SLC35F3: variants seen among roughly 807,000 people sequenced by gnomAD.
The protein encoded by SLC35F3 is putative thiamine transporter SLC35F3.
In SLC35F3, 25 loss-of-function variants were observed where a neutral mutation model predicts 49.9. The observed-to-expected ratio is 0.50, with a 90% confidence interval of 0.37 to 0.70. The LOEUF (loss-of-function observed/expected upper bound fraction) is 0.70, where lower values mean the gene tolerates loss of function less well. Among genes scored for constraint, SLC35F3 ranks in the 30% least tolerant of loss-of-function variants. The pLI is 0.00. For synonymous variants in SLC35F3, 275 were observed against 265.4 expected, an observed-to-expected ratio of 1.04 and a Z score of -0.35; for missense variants, 525 against 639.8, an observed-to-expected ratio of 0.82 and a Z score of 1.94.
At chr1:234,172,239 T>G (rs1445072298) in intron 2 of SLC35F3, among the ~76,000 whole-genome samples, 1 of 152,174 alleles carries the variant, frequency 6.6e-6, no homozygotes, top group Non-Finnish European at 1.5e-5. Flanking sequence ...ATTTTTTAAC[T>G]ATTTATTTAT....
At chr1:233,919,018 A>T (rs1662018727) in intron 2 of SLC35F3, among the ~76,000 whole-genome samples, 2 of 152,178 alleles carry the variant, frequency 1.3e-5, no homozygotes, top group Admixed American at 1.3e-4. Flanking sequence ...GCCAAATTTT[A>T]ATATTTGATG....
chr1:234,000,446 A>G (rs1237381900), intron 2 of SLC35F3, among the ~76,000 whole-genome samples: 7 of 152,202 alleles, frequency 4.6e-5, no homozygotes, highest in Non-Finnish European at 7.3e-5. Context: ...TCAACAATGT[A>G]TGTATTGGAC....
rs1257697996 is a variant in SLC35F3, at chr1:234,151,014, G to C, written c.284-80403G>C. 2.0e-5 allele frequency among the ~76,000 whole-genome samples: 3 copies of C among 152,168 alleles called. No homozygotes were observed. The East Asian group carries it at 5.8e-4, about 29-fold the overall frequency. ...ACTCCAATACCAGGTCAGTGTAAGA[G>C]GCTCAGGGCAAGAAGGACTGAAGGA... On this transcript the variant is annotated intron_variant, in intron 2 of 7. Transcript: ENST00000366618.
At chr1:234,053,044 T>A (rs1664402006) in intron 2 of SLC35F3, among the ~76,000 whole-genome samples, 1 of 152,098 alleles carries the variant, frequency 6.6e-6, no homozygotes, top group African/African-American at 2.4e-5. Flanking sequence ...TGCTGAGGAG[T>A]GCTTTACTTC....
At chr1:234,227,190 G>C (rs931810184) in intron 2 of SLC35F3, among the ~76,000 whole-genome samples, 1 of 152,190 alleles carries the variant, frequency 6.6e-6, no homozygotes, top group African/African-American at 2.4e-5. Context: ...AGAACTGCTG[G>C]CTAAAGTACA....
intron 2 of SLC35F3, among the ~76,000 whole-genome samples, chr1:234,035,530 T>C (rs376529337): frequency 7.9e-5 from 12 of 152,328 alleles, no homozygotes; most frequent in African/African-American, 2.9e-4. Flanking sequence ...TGAATTGTAT[T>C]ATAAATAATT....
Position 233,990,185 on chromosome 1 carries a change from C to A in SLC35F3, c.283+84427C>A, listed in dbSNP as rs369559796. Among the ~76,000 whole-genome samples the A allele has an allele frequency of 2.0e-5, 3 of 152,086 alleles. No individual in the cohort carries two copies. In the East Asian group the frequency reaches 5.8e-4, roughly 29 times the overall value. Reference sequence around the variant, plus strand: ...TCATCCTTTAAAATATATGTTTTAGCGGTTTCACAATGGACATAATAGTAT... The same window carrying A: ...TCATCCTTTAAAATATATGTTTTAGAGGTTTCACAATGGACATAATAGTAT... On this transcript the variant is annotated intron_variant, in intron 2 of 7. Coordinates refer to ENST00000366618, the MANE Select transcript of SLC35F3 (RefSeq NM_173508.4).
intron 2 of SLC35F3, among the ~76,000 whole-genome samples, chr1:234,081,963 G>C (rs533304929): frequency 3.5e-5 from 4 of 113,346 alleles, no homozygotes; most frequent in African/African-American, 6.9e-5. Flanking sequence ...CACCATGTTA[G>C]CCAGGATGGT....
At chr1:234,301,472 A>G (rs1668691152) in intron 3 of SLC35F3, among the ~76,000 whole-genome samples, 1 of 152,250 alleles carries the variant, frequency 6.6e-6, no homozygotes, top group Admixed American at 6.5e-5. Flanking sequence ...AGAGAAATGC[A>G]AATCAAAATC....
chr1:234,268,005 A>G (rs1668024989), intron 3 of SLC35F3, among the ~76,000 whole-genome samples: 1 of 147,316 alleles, frequency 6.8e-6, no homozygotes, highest in African/African-American at 2.5e-5. Flanking sequence ...CTCACATCCC[A>G]GACGATGGGC....
chr1:234,271,031 G>C (rs1275040732), intron 3 of SLC35F3, among the ~76,000 whole-genome samples: 1 of 152,228 alleles, frequency 6.6e-6, no homozygotes, highest in African/African-American at 2.4e-5. Flanking sequence ...AGAATAATTT[G>C]ATTGTAGGCA....
At chr1:234,175,662 CA>C (rs35257762) in intron 2 of SLC35F3, among the ~76,000 whole-genome samples, 8,105 of 98,644 alleles carry the variant, frequency 0.082, 646 homozygotes, top group African/African-American at 0.3. Flanking sequence ...GACCCTGTCT[CA>C]AAAAAAAAAA....
chr1:234,234,492 G>A (rs991741088), intron 3 of SLC35F3, among the ~76,000 whole-genome samples: 6 of 151,986 alleles, frequency 3.9e-5, no homozygotes, highest in African/African-American at 1.5e-4. Flanking sequence ...GAGTGGATCT[G>A]AGATTCCGCT....
intron 2 of SLC35F3, among the ~76,000 whole-genome samples, chr1:234,037,044 A>C (rs570983299): frequency 6.6e-6 from 1 of 152,358 alleles, no homozygotes; most frequent in East Asian, 1.9e-4. Flanking sequence ...TCGATGTTAG[A>C]TACTATTTGT....
chr1:234,224,520 ACACT>A (rs756697559), intron 2 of SLC35F3, among the ~76,000 whole-genome samples: 27 of 152,198 alleles, frequency 1.8e-4, no homozygotes, highest in Non-Finnish European at 3.5e-4. Flanking sequence ...GGTCCCATAC[ACACT>A]CAGTCTTTTC....
At chr1:234,038,826 A>G (rs949736705) in intron 2 of SLC35F3, among the ~76,000 whole-genome samples, 5 of 152,172 alleles carry the variant, frequency 3.3e-5, no homozygotes, top group Admixed American at 2.6e-4. Context: ...TAGATTCAAG[A>G]CATCACTGAA....
intron 3 of SLC35F3, among the ~76,000 whole-genome samples, chr1:234,238,784 T>G (rs754182242): frequency 5.1e-4 from 77 of 152,194 alleles, no homozygotes; most frequent in Non-Finnish European, 9.0e-4. Flanking sequence ...TGATCTCCTT[T>G]TTTTCTATAC....
chr1:234,260,133 T>G (rs1194464242), intron 3 of SLC35F3, among the ~76,000 whole-genome samples: 1 of 152,156 alleles, frequency 6.6e-6, no homozygotes, highest in Non-Finnish European at 1.5e-5. Context: ...GCATGATAAG[T>G]GAATATTCTC....
chr1:234,266,885 T>TTTG (rs1553259674), intron 3 of SLC35F3, among the ~76,000 whole-genome samples: 3 of 145,612 alleles, frequency 2.1e-5, no homozygotes, highest in South Asian at 2.1e-4. Context: ...TTTTTTTTTT[T>TTTG]TTTTTTTTTT....
Sources: allele counts gnomAD v4.1 joint callset (sites outside exome capture counted in the v4.1 genomes callset), GRCh38; gene constraint gnomAD v4.1.1; transcripts MANE v1.5; gene names NCBI Gene and HGNC (gene_info 2026-07-23, HGNC 2026-07-21).